AK1: variants seen among roughly 807,000 people sequenced by gnomAD.
The protein encoded by AK1 is adenylate kinase 1.
In AK1, 13 loss-of-function variants were observed where a neutral mutation model predicts 23.9. That is an observed-to-expected ratio of 0.54 (90% CI 0.35 to 0.86). AK1 has a LOEUF of 0.86. Among genes scored for constraint, AK1 ranks in the 40% least tolerant of loss-of-function variants. The probability of loss-of-function intolerance (pLI) is 0.01; values close to 1 mark genes in which losing one functional copy is unlikely to be tolerated. For synonymous variants in AK1, 97 were observed against 102.8 expected (o/e 0.94, Z 0.34); for missense variants, 214 against 255.1 (o/e 0.84, Z 1.10).
At chr9:127,870,467 A>AG (rs1234547843) in intron 5 of AK1, among the ~76,000 whole-genome samples, 1 of 152,092 alleles carries the variant, frequency 6.6e-6, no homozygotes, top group Non-Finnish European at 1.5e-5. Context: ...CCAAAGTGCT[A>AG]GGATCTCAGG....
At chr9:127,879,141 A>C (rs1017480270), upstream of AK1, among the ~76,000 whole-genome samples, 27 of 151,864 alleles carry the variant, frequency 1.8e-4, no homozygotes, top group African/African-American at 6.5e-4. Context: ...AATTTGTTTC[A>C]AGGAAACATG....
chr9:127,873,527 C>A, intron 2 of AK1: 1 of 1,442,040 alleles, frequency 6.9e-7, no homozygotes, highest in Non-Finnish European at 9.1e-7. Flanking sequence ...CCGCCTCCCC[C>A]GGCAGTGGGG....
At position 127,868,303 on chromosome 9, in the gene AK1, T is replaced by C; in HGVS notation, c.516+18A>G. 2 of 1,562,000 alleles carry C rather than the reference T, an allele frequency of 1.3e-6. No individual in the cohort carries two copies. The highest frequency in any genetic ancestry group is 1.7e-6 in the Non-Finnish European group (2 of 1,153,116). Reference sequence around the variant, plus strand: ...AACCCGTTCTTCCCGGAGCTGCCCCTGGGCCCGCGGGGCCCACCTTGCGCA... The same window carrying C: ...AACCCGTTCTTCCCGGAGCTGCCCCCGGGCCCGCGGGGCCCACCTTGCGCA... On this transcript the variant is annotated intron_variant, in intron 6 of 6. Coordinates refer to ENST00000644144, the MANE Select transcript of AK1 (RefSeq NM_000476.3). This position sits in a 1 kb window ranked among gnomAD's most constrained non-coding sequence, Gnocchi z 4.1.
chr9:127,875,267 G>A (rs533442637), intron 1 of AK1, among the ~76,000 whole-genome samples: 3 of 151,772 alleles, frequency 2.0e-5, no homozygotes, highest in Admixed American at 6.6e-5. Context: ...CCAGCCCCAC[G>A]CATGTCCCCT....
At chr9:127,872,566 A>C in intron 4 of AK1, 124 bp downstream of exon 4, 2 of 1,307,178 alleles carry the variant, frequency 1.5e-6, no homozygotes, top group Non-Finnish European at 2.1e-6. Flanking sequence ...GAACCACAGA[A>C]GGGTTTGGAG....
chr9:127,871,722 G>T lies in AK1; in HGVS notation c.324+101C>A. 1.1e-6 allele frequency: 1 copy of T among 931,622 alleles called. No homozygotes were observed. Among genetic ancestry groups the T allele is most frequent in the East Asian group, 2.4e-5 (1 of 41,614 alleles). 57.7% of individuals were successfully genotyped at this position (931,622 alleles called of 1,614,324 possible). A position where few individuals can be genotyped will look rare whatever the true frequency, so the allele number is the denominator to read the frequency against. ...CACTCCATGAATCAGCCTCTGCTCA[G>T]AACTCTGACCTGCATCACAGCCCCC... On this transcript the variant is annotated intron_variant, in intron 5 of 6. Transcript: ENST00000644144. This position sits in a 1 kb window ranked among gnomAD's most constrained non-coding sequence, Gnocchi z 4.4.
At chr9:127,876,198 C>G (rs771184844) in intron 1 of AK1, among the ~76,000 whole-genome samples, 1 of 152,196 alleles carries the variant, frequency 6.6e-6, no homozygotes, top group Non-Finnish European at 1.5e-5. Context: ...CCTTCCTGGA[C>G]TCTGCCCTCC....
chr9:127,875,356 G>A (rs1053278862), intron 1 of AK1, among the ~76,000 whole-genome samples: 2 of 139,660 alleles, frequency 1.4e-5, no homozygotes, highest in African/African-American at 2.7e-5. Flanking sequence ...TCACACCTGC[G>A]ACCCCACCCT....
Position 127,868,193 on chromosome 9 carries a change from C to A in AK1, c.517-117G>T. On this transcript the variant is annotated intron_variant, in intron 6 of 6. Transcript: ENST00000644144. This position sits in a 1 kb window ranked among gnomAD's most constrained non-coding sequence, Gnocchi z 4.1. ...GAGCCCAACCTAATTGACAGCAGCC[C>A]CTCATTGAACCAGTGGGGAAACCAA... is the stretch of plus-strand genomic sequence containing the variant. The A allele has an allele frequency of 6.9e-7, 1 of 1,446,112 alleles. No homozygotes were observed. Among genetic ancestry groups the A allele is most frequent in the East Asian group, 2.4e-5 (1 of 41,462 alleles). 89.6% of individuals were successfully genotyped at this position (1,446,112 alleles called of 1,614,324 possible).
rs1264092845 is a variant in AK1 at position 127,868,988 on chromosome 9, T to G, written c.325-476A>C. Among the ~76,000 whole-genome samples the G allele has an allele frequency of 6.6e-6, 1 of 152,186 alleles. No homozygotes were observed. The highest frequency in any genetic ancestry group is 1.5e-5 in the Non-Finnish European group (1 of 68,022). The stretch of plus-strand genomic sequence containing the variant: ...ACAGGCTCTTCCAGCGCCTTTATCT[T>G]TCCTTAAGCAGGTCTCCCAAGGGCC... On this transcript the variant is annotated intron_variant, in intron 5 of 6. Coordinates refer to ENST00000644144, the MANE Select transcript of AK1 (RefSeq NM_000476.3). The surrounding 1 kb of genome is among the most constrained non-coding windows in gnomAD (Gnocchi z 4.1).
intron 1 of AK1, among the ~76,000 whole-genome samples, chr9:127,875,980 C>T (rs1386237873): frequency 3.3e-5 from 5 of 152,230 alleles, no homozygotes; most frequent in African/African-American, 9.6e-5. Flanking sequence ...ATCACACACC[C>T]GCTTACAACC....
rs865839080 is a variant in AK1, at chr9:127,868,264, C to T, written c.516+57G>A. On this transcript the variant is annotated intron_variant, in intron 6 of 6. Transcript: ENST00000644144. This position sits in a 1 kb window ranked among gnomAD's most constrained non-coding sequence, Gnocchi z 4.1. ...CCTGAGGCCACACAGTGAGCTGAGG[C>T]GGAGCCACATAGGAACCCGTTCTTC... 118 of 1,526,852 alleles carry T rather than the reference C, an allele frequency of 7.7e-5. No individual in the cohort carries two copies. Among genetic ancestry groups the T allele is most frequent in the African/African-American group, 1.2e-4 (9 of 72,540 alleles). The allele number at this position is 1,526,852 out of a possible 1,614,324, so 94.6% of individuals were successfully genotyped here.
rs910630648 is a variant in AK1, at chr9:127,868,109, C to A, written c.517-33G>T. The A allele has an allele frequency of 6.2e-7, 1 of 1,611,258 alleles. No individual in the cohort carries two copies. The highest frequency in any genetic ancestry group is 8.5e-7 in the Non-Finnish European group (1 of 1,177,588). The stretch of plus-strand genomic sequence containing the variant: ...GAGATGGGCCGTGAGGGCTGAGTCA[C>A]CAGGTGGAGTGGGGTGGGCCTCACC... On this transcript the variant is annotated intron_variant, in intron 6 of 6. Transcript: ENST00000644144. This position sits in a 1 kb window ranked among gnomAD's most constrained non-coding sequence, Gnocchi z 4.1.
upstream of AK1, among the ~76,000 whole-genome samples, chr9:127,879,067 AC>A (rs1356779269): frequency 0.039 from 43 of 1,112 alleles, no homozygotes; most frequent in Non-Finnish European, 0.11. Context: ...TAAAAATAAA[AC>A]ACACACACAC....
chr9:127,866,725 G>A lies in AK1; in HGVS notation c.*1283C>T, dbSNP rs1319435462. On this transcript the variant is annotated 3_prime_UTR_variant, in exon 7 of 7. Transcript: ENST00000644144. Reference sequence around the variant, plus strand: ...GAGGTCAAAAAATGAAAGCGCGCAGGAAGGGTTCTCCCCAGGGGATTCTGG... The same window carrying A: ...GAGGTCAAAAAATGAAAGCGCGCAGAAAGGGTTCTCCCCAGGGGATTCTGG... 6.6e-6 allele frequency: 1 copy of A among 152,250 alleles called. No homozygotes were observed. 9.4% of individuals were successfully genotyped at this position (152,250 alleles called of 1,614,324 possible).
At chr9:127,874,922 G>A (rs1829502290) in intron 1 of AK1, 14 of 467,878 alleles carry the variant, frequency 3.0e-5, no homozygotes, top group South Asian at 1.4e-4. Context: ...CTGGGTTCCC[G>A]CTGGAGGGGC....
chr9:127,867,891 G>A lies in AK1; in HGVS notation c.*117C>T. The A allele has an allele frequency of 1.0e-6, 1 of 980,454 alleles. No homozygotes were observed. Among genetic ancestry groups the A allele is most frequent in the African/African-American group, 1.6e-5 (1 of 62,474 alleles). The allele number at this position is 980,454 out of a possible 1,614,324, so 60.7% of individuals were successfully genotyped here. A position where few individuals can be genotyped will look rare whatever the true frequency, so the allele number is the denominator to read the frequency against. ...GCTGTCCATGAAAACAGGATAAGCG[G>A]CTTCCTCCGTCTGTGCTCAGCAGGG... On this transcript the variant is annotated 3_prime_UTR_variant, in exon 7 of 7. Transcript: ENST00000644144.
chr9:127,875,644 GC>G (rs1182182746), intron 1 of AK1, among the ~76,000 whole-genome samples: 1 of 151,658 alleles, frequency 6.6e-6, no homozygotes, highest in East Asian at 1.9e-4. Flanking sequence ...TTTCTCTCCA[GC>G]CCCAGACATC....
chr9:127,873,159 G>A, intron 2 of AK1, 98 bp from the exon 3 acceptor site: 1 of 1,557,692 alleles, frequency 6.4e-7, no homozygotes, highest in East Asian at 2.4e-5. Context: ...CCCAGGCGGA[G>A]GGACAGACAC....
Sources: allele counts gnomAD v4.1 joint callset (sites outside exome capture counted in the v4.1 genomes callset), GRCh38; gene constraint gnomAD v4.1.1; non-coding constraint Gnocchi (gnomAD v3.1); transcripts MANE v1.5; gene names NCBI Gene and HGNC (gene_info 2026-07-23, HGNC 2026-07-21).